Variants in FANCC observed in about 807,000 individuals in gnomAD.
FANCC encodes the protein FA complementation group C.
Under a neutral mutation model 71.3 loss-of-function variants are expected in FANCC, and 55 were observed. The ratio of observed to expected loss-of-function variants is 0.77; its 90% CI spans 0.62 to 0.97. The LOEUF (loss-of-function observed/expected upper bound fraction) is 0.97. FANCC is among the 50% of genes least tolerant of loss of function. The pLI, the probability that FANCC is intolerant of heterozygous loss-of-function variation, is 0.00. For synonymous variants in FANCC, 275 were observed against 244.9 expected, an observed-to-expected ratio of 1.12 and a Z score of -1.15; for missense variants, 678 against 670.9, an observed-to-expected ratio of 1.01 and a Z score of -0.12.
At chr9:95,234,290 AT>A (rs1488056211) in intron 4 of FANCC, among the ~76,000 whole-genome samples, 35 of 152,242 alleles carry the variant, frequency 2.3e-4, no homozygotes, top group African/African-American at 8.0e-4. Flanking sequence ...CATATCATAT[AT>A]TCATTAATTT....
intron 12 of FANCC, among the ~76,000 whole-genome samples, chr9:95,112,754 C>G (rs1424722049): frequency 6.6e-6 from 1 of 152,334 alleles, no homozygotes; most frequent in African/African-American, 2.4e-5. Flanking sequence ...CTCTGTCTTC[C>G]ACCAGTAGCT....
intron 1 of FANCC, among the ~76,000 whole-genome samples, chr9:95,261,779 T>C (rs1832066998): frequency 6.6e-6 from 1 of 152,182 alleles, no homozygotes; most frequent in Non-Finnish European, 1.5e-5. Flanking sequence ...CAAAGTCGTA[T>C]GAGCAGAGAG....
chr9:95,150,687 T>C lies in FANCC; in HGVS notation c.522-600A>G, dbSNP rs1830125574. Among the ~76,000 whole-genome samples the C allele has an allele frequency of 2.6e-5, 4 of 152,228 alleles. No individual in the cohort carries two copies. In the South Asian group the frequency reaches 8.3e-4, roughly 32 times the overall value. The stretch of plus-strand genomic sequence containing the variant: ...AGCTTTGCAATGGCTTCTCACCTCA[T>C]GTAGAGAATAAGCAATGTCTTTCAC... On this transcript the variant is annotated intron_variant, in intron 6 of 14. Transcript: ENST00000289081.
intron 1 of FANCC, among the ~76,000 whole-genome samples, chr9:95,276,496 C>T (rs777695432): frequency 1.2e-4 from 19 of 152,158 alleles, no homozygotes; most frequent in Admixed American, 3.3e-4. Flanking sequence ...TCTCAAGTAA[C>T]AGCATGATTA....
chr9:95,124,492 G>A (rs901305587), intron 10 of FANCC, among the ~76,000 whole-genome samples: 8 of 152,088 alleles, frequency 5.3e-5, no homozygotes, highest in Admixed American at 6.6e-5. Context: ...TGCAGGGTGC[G>A]GGCCTGGCCT....
At chr9:95,243,818 A>G (rs774277571) in intron 3 of FANCC, among the ~76,000 whole-genome samples, 5 of 152,174 alleles carry the variant, frequency 3.3e-5, no homozygotes, top group Non-Finnish European at 7.3e-5. Context: ...CTGATATTAT[A>G]AAACCATAAG....
rs568985607 is a variant in FANCC, at chr9:95,109,941, C to T, written c.1329+1522G>A. Among the ~76,000 whole-genome samples, 31 of 152,298 alleles carry T rather than the reference C, an allele frequency of 2.0e-4. 1 individual carries two copies. The South Asian group carries it at 5.6e-3, about 27-fold the overall frequency. On this transcript the variant is annotated intron_variant, in intron 13 of 14. Transcript: ENST00000289081. ...ATTCATTAAACTAAAATCCCCTTCC[C>T]AGGACGCCACATACACCAATGCCTC...
chr9:95,121,977 C>A (rs2072921477), intron 10 of FANCC, among the ~76,000 whole-genome samples: 1 of 151,854 alleles, frequency 6.6e-6, no homozygotes, highest in Non-Finnish European at 1.5e-5. Flanking sequence ...CCTGCCTCAG[C>A]CTCCTGAGTA....
intron 4 of FANCC, among the ~76,000 whole-genome samples, chr9:95,219,340 CAG>C (rs1340310533): frequency 6.6e-6 from 1 of 152,140 alleles, no homozygotes; most frequent in African/African-American, 2.4e-5. Context: ...AACAAAAAAC[CAG>C]ACAGACAAAT....
At chr9:95,310,953 A>C (rs1835360413) in intron 1 of FANCC, among the ~76,000 whole-genome samples, 1 of 152,240 alleles carries the variant, frequency 6.6e-6, no homozygotes, top group South Asian at 2.1e-4. Context: ...TCATCAATAA[A>C]TCAGGCGTTG....
At chr9:95,110,040 C>T (rs989012947) in intron 13 of FANCC, among the ~76,000 whole-genome samples, 1 of 152,204 alleles carries the variant, frequency 6.6e-6, no homozygotes, top group Non-Finnish European at 1.5e-5. Context: ...GGCAGATGGG[C>T]ACCTGTGACA....
chr9:95,105,520 G>A (rs547276901), intron 14 of FANCC, among the ~76,000 whole-genome samples: 11 of 152,190 alleles, frequency 7.2e-5, no homozygotes, highest in Admixed American at 3.9e-4. Context: ...TTTAAATTGT[G>A]GTAAAATATA....
chr9:95,191,009 G>A (rs750329792), intron 4 of FANCC, among the ~76,000 whole-genome samples: 15 of 150,348 alleles, frequency 1.0e-4, no homozygotes, highest in Admixed American at 2.0e-4. Context: ...GTATAGTCCC[G>A]GGATTTTGGA....
chr9:95,220,287 A>C (rs1398038966), intron 4 of FANCC, among the ~76,000 whole-genome samples: 2 of 152,270 alleles, frequency 1.3e-5, no homozygotes, highest in Non-Finnish European at 2.9e-5. Flanking sequence ...AAACAAGTTC[A>C]ACCATTGTGG....
intron 1 of FANCC, among the ~76,000 whole-genome samples, chr9:95,271,266 A>AT (rs1832698282): frequency 6.6e-6 from 1 of 152,224 alleles, no homozygotes; most frequent in African/African-American, 2.4e-5. Flanking sequence ...ACCTGTGAAT[A>AT]TTACTTTACA....
chr9:95,311,997 T>C (rs1325284970), intron 1 of FANCC, among the ~76,000 whole-genome samples: 1 of 152,214 alleles, frequency 6.6e-6, no homozygotes, highest in Non-Finnish European at 1.5e-5. Context: ...CCCTGCCCAC[T>C]GGATGCCATA....
chr9:95,274,598 C>T (rs1391895043), intron 1 of FANCC, among the ~76,000 whole-genome samples: 1 of 152,138 alleles, frequency 6.6e-6, no homozygotes, highest in Non-Finnish European at 1.5e-5. Flanking sequence ...CAGGAATTTC[C>T]ACACTGTCTT....
At chr9:95,293,682 G>A (rs1834197586) in intron 1 of FANCC, 1 of 1,613,906 alleles carries the variant, frequency 6.2e-7, no homozygotes, top group African/African-American at 1.3e-5. Context: ...TTTGTTGTTT[G>A]ATTCTCAAGT....
intron 6 of FANCC, among the ~76,000 whole-genome samples, chr9:95,152,023 ATTAT>A (rs1028436559): frequency 1.3e-5 from 2 of 151,994 alleles, no homozygotes; most frequent in Non-Finnish European, 1.5e-5. Flanking sequence ...CAATTATATC[ATTAT>A]TTGTTTCTAT....
Sources: allele counts gnomAD v4.1 joint callset (sites outside exome capture counted in the v4.1 genomes callset), GRCh38; gene constraint gnomAD v4.1.1; transcripts MANE v1.5; gene names NCBI Gene and HGNC (gene_info 2026-07-23, HGNC 2026-07-21).